The following GPAM variants were observed in gnomAD, a reference collection of about 807,000 sequenced individuals.
The protein encoded by GPAM is glycerol-3-phosphate acyltransferase 1, mitochondrial.
Under a neutral mutation model 105.0 loss-of-function variants are expected in GPAM, and 56 were observed. That is an observed-to-expected ratio of 0.53 (90% CI 0.43 to 0.67). GPAM has a LOEUF of 0.67. GPAM is among the 30% of genes least tolerant of loss of function. The pLI is 0.00. For synonymous variants in GPAM, 368 were observed against 354.4 expected (o/e 1.04, Z -0.43); for missense variants, 855 against 989.8 (o/e 0.86, Z 1.83).
intron 1 of GPAM, among the ~76,000 whole-genome samples, chr10:112,195,592 T>C (rs762040495): frequency 6.6e-6 from 1 of 152,238 alleles, no homozygotes; most frequent in Non-Finnish European, 1.5e-5. Context: ...TTCTTCCCCA[T>C]GGGAATGACC....
intron 9 of GPAM, among the ~76,000 whole-genome samples, chr10:112,169,643 A>G (rs1431466477): frequency 6.6e-6 from 1 of 152,198 alleles, no homozygotes; most frequent in African/African-American, 2.4e-5. Context: ...GTAGAGTGAT[A>G]CTAACATAAA....
chr10:112,212,664 G>A (rs569618352), intron 1 of GPAM, among the ~76,000 whole-genome samples: 2 of 152,298 alleles, frequency 1.3e-5, no homozygotes, highest in East Asian at 3.9e-4. Context: ...GCAAAGGCTT[G>A]GAGGCTAGAC....
chr10:112,173,555 T>C, intron 7 of GPAM, 144 bp downstream of exon 7: 6 of 858,720 alleles, frequency 7.0e-6, no homozygotes, highest in East Asian at 5.1e-5. Context: ...AATAAGAATA[T>C]AAGAAGAGTT....
At chr10:112,195,378 T>C (rs1168680678) in intron 1 of GPAM, among the ~76,000 whole-genome samples, 1 of 152,186 alleles carries the variant, frequency 6.6e-6, no homozygotes, top group African/African-American at 2.4e-5. Context: ...CCACGTACTC[T>C]TTCGCTCTCT....
upstream of GPAM, among the ~76,000 whole-genome samples, chr10:112,187,460 T>C (rs1233875275): frequency 6.6e-6 from 1 of 152,118 alleles, no homozygotes; most frequent in Non-Finnish European, 1.5e-5. Context: ...ATCAGAAATA[T>C]AGAGGATCAT....
At chr10:112,184,285 T>C (rs990378787), upstream of GPAM, among the ~76,000 whole-genome samples, 18 of 152,188 alleles carry the variant, frequency 1.2e-4, no homozygotes, top group Admixed American at 4.6e-4. Flanking sequence ...AGGGCTTTTT[T>C]CCCCCTTCGG....
At chr10:112,201,890 T>C (rs1360814930) in intron 1 of GPAM, among the ~76,000 whole-genome samples, 2 of 152,208 alleles carry the variant, frequency 1.3e-5, no homozygotes, top group Admixed American at 6.5e-5. Context: ...TGAAAGATCA[T>C]CAGCATAGCT....
intron 4 of GPAM, 22 bp from the exon 5 acceptor site, chr10:112,178,079 T>C: frequency 8.2e-7 from 1 of 1,224,514 alleles, no homozygotes; most frequent in Non-Finnish European, 1.2e-6. Context: ...AAAGTAAATG[T>C]AGACATAAAT....
chr10:112,216,499 C>T (rs1336669216), upstream of GPAM, among the ~76,000 whole-genome samples: 1 of 152,202 alleles, frequency 6.6e-6, no homozygotes, highest in African/African-American at 2.4e-5. Flanking sequence ...GGAAGCGGAT[C>T]CAAGTCAGAG....
chr10:112,217,258 T>C (rs1322805475), upstream of GPAM, among the ~76,000 whole-genome samples: 1 of 152,216 alleles, frequency 6.6e-6, no homozygotes, highest in Non-Finnish European at 1.5e-5. Context: ...ATAAATGCAA[T>C]CATAGGATAT....
chr10:112,203,444 G>C (rs896818747), intron 1 of GPAM, among the ~76,000 whole-genome samples: 1 of 152,170 alleles, frequency 6.6e-6, no homozygotes, highest in East Asian at 1.9e-4. Context: ...CTGGAGAGGG[G>C]CAATCTGCCC....
intron 1 of GPAM, among the ~76,000 whole-genome samples, chr10:112,197,737 G>A (rs1847742007): frequency 6.8e-6 from 1 of 146,510 alleles, no homozygotes; most frequent in Non-Finnish European, 1.5e-5. Flanking sequence ...AATATGCGGT[G>A]TTTGGTTTTT....
chr10:112,195,208 A>G (rs1369262757), intron 1 of GPAM, among the ~76,000 whole-genome samples: 1 of 152,176 alleles, frequency 6.6e-6, no homozygotes, highest in African/African-American at 2.4e-5. Context: ...AAAATGCACC[A>G]TGCCAAATAC....
At chr10:112,227,473 G>C in the GPAM span, among the ~76,000 whole-genome samples, 26 of 152,266 alleles carry the variant, frequency 1.7e-4, no homozygotes, top group Admixed American at 1.6e-3. Context: ...TGGTTCTTCA[G>C]TTGCTCAAGT....
chr10:112,192,525 G>T (rs937195047), intron 1 of GPAM, among the ~76,000 whole-genome samples: 6 of 152,172 alleles, frequency 3.9e-5, no homozygotes, highest in Admixed American at 1.3e-4. Context: ...TGTGAGCAGG[G>T]CCTGGCCAAG....
rs560562940 is a variant in GPAM at position 112,165,083 on chromosome 10, G to A, written c.1222-473C>T. Among the ~76,000 whole-genome samples, 12 of 152,240 alleles carry A rather than the reference G, an allele frequency of 7.9e-5. No individual in the cohort carries two copies. In the South Asian group the frequency reaches 1.2e-3, roughly 16 times the overall value. On this transcript the variant is annotated intron_variant, in intron 12 of 21. Transcript: ENST00000348367. ...GAAAGAAAGTGGCAAGAAATGATAA[G>A]GTTCTAAAAGATCAAAGCATTTAAG...
chr10:112,224,315 C>T, the GPAM span, among the ~76,000 whole-genome samples: 1 of 151,992 alleles, frequency 6.6e-6, no homozygotes, highest in East Asian at 1.9e-4. Flanking sequence ...TTTTTTGCAG[C>T]AAGAACAACT....
chr10:112,161,878 A>G (rs902211990), intron 14 of GPAM, 141 bp from the exon 15 acceptor site: 1 of 719,426 alleles, frequency 1.4e-6, no homozygotes, highest in African/African-American at 1.7e-5. Flanking sequence ...TGATTTACCA[A>G]AAGGAAGTTA....
In GPAM at chr10:112,167,413, TAC is replaced by T. The variant is rs139181070; in HGVS notation, c.1107+897_1107+898del. ...CCCATCAGTTCTTCTCCTAGGCACATACCCAACAAAATGAATATATATGGTCA... is the reference window on the plus strand; with the variant it reads ...CCCATCAGTTCTTCTCCTAGGCACATCCAACAAAATGAATATATATGGTCA... On this transcript the variant is annotated intron_variant, in intron 11 of 21. Coordinates refer to ENST00000348367, the MANE Select transcript of GPAM (RefSeq NM_001244949.2). Among the ~76,000 whole-genome samples the T allele has an allele frequency of 3.9e-3, 589 of 152,284 alleles. 3 individuals are homozygous for T. Among genetic ancestry groups the T allele is most frequent in the African/African-American group, 0.014 (568 of 41,552 alleles).
Sources: allele counts gnomAD v4.1 joint callset (sites outside exome capture counted in the v4.1 genomes callset), GRCh38; gene constraint gnomAD v4.1.1; transcripts MANE v1.5; gene names NCBI Gene and HGNC (gene_info 2026-07-23, HGNC 2026-07-21).